Variants in USP1 observed in about 807,000 individuals in gnomAD.
USP1 encodes the protein ubiquitin carboxyl-terminal hydrolase 1.
A neutral mutation model predicts 72.2 loss-of-function variants in USP1; 18 were observed. That is an observed-to-expected ratio of 0.25 (90% CI 0.17 to 0.37). The LOEUF (loss-of-function observed/expected upper bound fraction) is 0.37. Among genes scored for constraint, USP1 ranks in the 10% least tolerant of loss-of-function variants. The probability of loss-of-function intolerance (pLI) is 1.00; values close to 1 mark genes in which losing one functional copy is unlikely to be tolerated. For missense variants in USP1, 759 were observed against 884.9 expected, an observed-to-expected ratio of 0.86 and a Z score of 1.81; for synonymous variants, 354 against 303.7, an observed-to-expected ratio of 1.17 and a Z score of -1.72.
In USP1 at chr1:62,450,882, T is replaced by C. The variant is rs1213370002; in HGVS notation, c.2259T>C (p.Ser753=). 1.2e-6 allele frequency: 2 copies of C among 1,613,956 alleles called. No individual in the cohort carries two copies. Among genetic ancestry groups the C allele is most frequent in the African/African-American group, 2.7e-5 (2 of 74,920 alleles). Residue 753 remains serine, a synonymous_variant, in exon 9 of 9, where the codon TCT becomes TCC. Coordinates refer to ENST00000339950, the MANE Select transcript of USP1 (RefSeq NM_003368.5). ...GGAAGTGGTTGCTTTTTGATGATTC[T>C]GAAGTCAAAGTTACTGAAGAGAAGG... ...YEGKWLLFDD[S]EVKVTEEKDF... is the part of the protein sequence containing the mutation.
Position 62,439,898 on chromosome 1 carries a change from G to T in USP1, c.31G>T (p.Gly11Ter). The change falls in exon 2 of 9, where the codon GGA (glycine) becomes TGA (stop). Residue 11 changes from glycine to a stop codon, truncating the protein, a stop_gained. Coordinates refer to ENST00000339950, the MANE Select transcript of USP1 (RefSeq NM_003368.5). LOFTEE classifies it high-confidence loss of function. ...TGGTGTCATACCTAGTGAAAGTAAT[G>T]GACTTTCAAGAGGTAGCCCTTCAAA... MPGVIPSESN[G>*]LSRGSPSKKN... The T allele has an allele frequency of 6.6e-7, 1 of 1,525,866 alleles. No individual in the cohort carries two copies. Among genetic ancestry groups the T allele is most frequent in the South Asian group, 1.3e-5 (1 of 75,812 alleles). The allele number at this position is 1,525,866 out of a possible 1,614,324, so 94.5% of individuals were successfully genotyped here. A position where few individuals can be genotyped will look rare whatever the true frequency, so the allele number is the denominator to read the frequency against.
chr1:62,437,611 C>T (rs1360299904), intron 1 of USP1, among the ~76,000 whole-genome samples: 1 of 151,676 alleles, frequency 6.6e-6, no homozygotes, highest in African/African-American at 2.4e-5. Flanking sequence ...GTAAATAGGC[C>T]AACTCCGCGG....
rs765615418 is a variant in USP1 at position 62,441,482 on chromosome 1, T to A, written c.171-6T>A. On this transcript the variant is annotated splice_region_variant and splice_polypyrimidine_tract_variant and intron_variant, in intron 2 of 8. Coordinates refer to ENST00000339950, the MANE Select transcript of USP1 (RefSeq NM_003368.5). ...TACTTATCGTTCTCCCTTCTATATT[T>A]CATAGTGATCAAGTTGTTCCTGCAG... 6.3e-7 allele frequency: 1 copy of A among 1,599,236 alleles called. No individual in the cohort carries two copies.
At position 62,451,424 on chromosome 1, in the gene USP1, A is replaced by C. The variant is rs1273756579; in HGVS notation, c.*443A>C. On this transcript the variant is annotated 3_prime_UTR_variant, in exon 9 of 9. Transcript: ENST00000339950. ...TTAGTTTTATAAGAGTCATGAAGCT[A>C]AATCCTTGGGCTATGTCAGAGGCAC... 6.5e-6 allele frequency: 1 copy of C among 154,514 alleles called. No homozygotes were observed. The highest frequency in any genetic ancestry group is 2.4e-5 in the African/African-American group (1 of 41,468). 9.6% of individuals were successfully genotyped at this position (154,514 alleles called of 1,614,324 possible).
rs943388813 is a variant in USP1, at chr1:62,437,334, A to T, written c.-136A>T. The stretch of plus-strand genomic sequence containing the variant: ...CTCGGGGCAGGGACTCACCTGTCGC[A>T]CCCACACTCATTCGGGTTGGACTTG... On this transcript the variant is annotated 5_prime_UTR_variant, in exon 1 of 9. Coordinates refer to ENST00000339950, the MANE Select transcript of USP1 (RefSeq NM_003368.5). The T allele has an allele frequency of 5.1e-6, 2 of 395,828 alleles. No individual in the cohort carries two copies. Among genetic ancestry groups the T allele is most frequent in the African/African-American group, 4.1e-5 (2 of 48,540 alleles). 24.5% of individuals were successfully genotyped at this position (395,828 alleles called of 1,614,324 possible). A position where few individuals can be genotyped will look rare whatever the true frequency, so the allele number is the denominator to read the frequency against.
At position 62,450,318 on chromosome 1, in the gene USP1, A is replaced by C; in HGVS notation, c.1695A>C (p.Glu565Asp). Residue 565 changes from glutamate (E) to aspartate (D), a missense_variant, in exon 9 of 9, where the codon GAA becomes GAC. Transcript: ENST00000339950. The stretch of plus-strand genomic sequence containing the variant: ...TGACACCTCTTAAATTGTCACTAGA[A>C]GAATGGAGCACAAAGCCAACTAACG... ...PLLTPLKLSL[E>D]EWSTKPTNDS... 1 of 1,614,176 alleles carries C rather than the reference A, an allele frequency of 6.2e-7. No homozygotes were observed.
chr1:62,438,144 G>T (rs894383521), intron 1 of USP1, among the ~76,000 whole-genome samples: 4 of 151,906 alleles, frequency 2.6e-5, no homozygotes, highest in Non-Finnish European at 5.9e-5. Flanking sequence ...GGGCTAGGAG[G>T]TTTGGTTTTT....
At chr1:62,446,814 A>T (rs1213957202) in intron 6 of USP1, among the ~76,000 whole-genome samples, 1 of 151,318 alleles carries the variant, frequency 6.6e-6, no homozygotes, top group Non-Finnish European at 1.5e-5. Flanking sequence ...TTTATTTTTT[A>T]TTTTTTTTAT....
At chr1:62,437,768 G>T (rs977101418) in intron 1 of USP1, among the ~76,000 whole-genome samples, 11 of 152,360 alleles carry the variant, frequency 7.2e-5, no homozygotes, top group African/African-American at 2.6e-4. Flanking sequence ...TTCCACGCAG[G>T]TTGCCCTGTG....
chr1:62,445,322 A>T lies in USP1; in HGVS notation c.1142A>T (p.Asp381Val). 1.9e-6 allele frequency: 3 copies of T among 1,613,588 alleles called. No individual in the cohort carries two copies. Among genetic ancestry groups the T allele is most frequent in the Admixed American group, 3.3e-5 (2 of 59,950 alleles). The change falls in exon 6 of 9, where the codon GAC becomes GTC. Residue 381 changes from aspartate to valine, a missense_variant. Coordinates refer to ENST00000339950, the MANE Select transcript of USP1 (RefSeq NM_003368.5). ...GAAAATGAATGTGATCCTGAAGAGG[A>T]CTTGGGGAAGTGTGAAAGTGATAAC... is the stretch of plus-strand genomic sequence containing the variant. ...SKENECDPEE[D>V]LGKCESDNTT...
intron 6 of USP1, among the ~76,000 whole-genome samples, chr1:62,446,641 C>G (rs1213572195): frequency 6.6e-6 from 1 of 152,048 alleles, no homozygotes; most frequent in African/African-American, 2.4e-5. Flanking sequence ...TTACACGATA[C>G]TTGAACTAGA....
At chr1:62,442,142 T>A in intron 3 of USP1, 53 bp from the exon 4 acceptor site, 1 of 1,202,450 alleles carries the variant, frequency 8.3e-7, no homozygotes, top group East Asian at 2.4e-5. Context: ...TTTTAATGAT[T>A]TTACGTGTAT....
rs774647414 is a variant in USP1, at chr1:62,439,783, T to G, written c.-69-16T>G. 2.5e-6 allele frequency: 3 copies of G among 1,201,970 alleles called. No individual in the cohort carries two copies. Among genetic ancestry groups the G allele is most frequent in the Non-Finnish European group, 3.2e-6 (3 of 925,418 alleles). The allele number at this position is 1,201,970 out of a possible 1,614,324, so 74.5% of individuals were successfully genotyped here. On this transcript the variant is annotated splice_polypyrimidine_tract_variant and intron_variant, in intron 1 of 8. Coordinates refer to ENST00000339950, the MANE Select transcript of USP1 (RefSeq NM_003368.5). Reference sequence around the variant, plus strand: ...TGATAACCAAAAACTAATGAAACTTTCTCTGTGATTAACAGATATAATTGG... The same window carrying G: ...TGATAACCAAAAACTAATGAAACTTGCTCTGTGATTAACAGATATAATTGG...
rs1432656059 is a variant in USP1 at position 62,437,288 on chromosome 1, TG to T, written c.-178del. On this transcript the variant is annotated 5_prime_UTR_variant, in exon 1 of 9. The change abolishes the stop of an existing upstream ORF in the 5' untranslated region. Transcript: ENST00000339950. ...GGAGGGCGAGCCGACCAGATTTTCC[TG>T]GGGCCGGGGACCCGGCGGGCTCGGG... 5.0e-6 allele frequency: 2 copies of T among 396,956 alleles called. No individual in the cohort carries two copies. Among genetic ancestry groups the T allele is most frequent in the Non-Finnish European group, 8.9e-6 (2 of 225,476 alleles). 24.6% of individuals were successfully genotyped at this position (396,956 alleles called of 1,614,324 possible). A position where few individuals can be genotyped will look rare whatever the true frequency, so the allele number is the denominator to read the frequency against.
chr1:62,450,042 T>C (rs1157702619), intron 8 of USP1, among the ~76,000 whole-genome samples: 1 of 152,170 alleles, frequency 6.6e-6, no homozygotes, highest in Non-Finnish European at 1.5e-5. Flanking sequence ...AATGCCTGAA[T>C]ATTAGCAGTT....
intron 7 of USP1, 63 bp downstream of exon 7, chr1:62,447,574 A>G: frequency 6.5e-7 from 1 of 1,537,948 alleles, no homozygotes; most frequent in Non-Finnish European, 8.8e-7. Flanking sequence ...TAACAACACA[A>G]AGTTTAATAG....
Position 62,445,272 on chromosome 1 carries a change from C to G in USP1, c.1092C>G (p.Asn364Lys), listed in dbSNP as rs137996192. ...KFCSLGKITTNQGVKGQSKEN... is the reference protein window; with the variant it reads ...KFCSLGKITTKQGVKGQSKEN... ...GTAGTCTGGGAAAAATAACAACAAA[C>G]CAAGGAGTCAAAGGACAATCTAAAG... The change falls in exon 6 of 9, where the codon AAC becomes AAG. Residue 364 changes from asparagine (N) to lysine (K), a missense_variant. By Grantham distance (94) the Asn-to-Lys change is moderately conservative (BLOSUM62 0). Coordinates refer to ENST00000339950, the MANE Select transcript of USP1 (RefSeq NM_003368.5). 3.2e-4 allele frequency: 514 copies of G among 1,613,366 alleles called. No individual in the cohort carries two copies. Among genetic ancestry groups the G allele is most frequent in the Non-Finnish European group, 4.2e-4 (491 of 1,179,824 alleles).
At chr1:62,439,607 G>A (rs1384727043) in intron 1 of USP1, among the ~76,000 whole-genome samples, 192 bp from the exon 2 acceptor site, 4 of 152,102 alleles carry the variant, frequency 2.6e-5, no homozygotes, top group African/African-American at 4.8e-5. Flanking sequence ...TCTGTTTTTT[G>A]TTCTTTAAGA....
At chr1:62,441,010 TA>T (rs1489385943) in intron 2 of USP1, among the ~76,000 whole-genome samples, 8 of 121,016 alleles carry the variant, frequency 6.6e-5, no homozygotes, top group African/African-American at 3.3e-4. Context: ...GATAGCTACA[TA>T]TTTTTTTTTT....
Sources: gnomAD v4.1 joint callset for allele counts (sites outside exome capture counted in the v4.1 genomes callset) on GRCh38, gnomAD v4.1.1 for gene constraint, MANE v1.5 for transcripts, NCBI Gene and HGNC (gene_info 2026-07-23, HGNC 2026-07-21) for gene names.